The following COMMD10 variants were observed in gnomAD, a reference collection of about 807,000 sequenced individuals.
COMMD10 encodes the protein COMM domain containing 10, also known as COMM domain-containing protein 10.
Under a neutral mutation model 28.9 loss-of-function variants are expected in COMMD10, and 33 were observed. The observed-to-expected ratio is 1.14, with a 90% confidence interval of 0.87 to 1.53. COMMD10 has a LOEUF of 1.53. Ranked by LOEUF, COMMD10 falls within the 40% of genes most tolerant of loss-of-function variation. The pLI is 0.00. For missense variants in COMMD10, 310 were observed against 233.4 expected (o/e 1.33, Z -2.14); for synonymous variants, 110 against 81.7 (o/e 1.35, Z -1.87).
At chr5:116,241,207 C>A (rs1402562983) in intron 5 of COMMD10, among the ~76,000 whole-genome samples, 4 of 152,246 alleles carry the variant, frequency 2.6e-5, no homozygotes, top group South Asian at 4.1e-4. Context: ...AGGATCTAGT[C>A]ATTGCTTCCT....
At chr5:116,085,781 A>G (rs1043085738) in intron 1 of COMMD10, among the ~76,000 whole-genome samples, 10 of 152,232 alleles carry the variant, frequency 6.6e-5, no homozygotes, top group African/African-American at 2.4e-4. Flanking sequence ...GTGGATACAG[A>G]AAAAGTACTG....
chr5:116,249,455 T>A (rs1459729054), intron 5 of COMMD10, among the ~76,000 whole-genome samples: 1 of 151,900 alleles, frequency 6.6e-6, no homozygotes, highest in Non-Finnish European at 1.5e-5. Flanking sequence ...TACTTTGATA[T>A]TAAATAAAAA....
At position 116,128,063 on chromosome 5, in the gene COMMD10, G is replaced by A. The variant is rs10072430; in HGVS notation, c.400-6005G>A. Among the ~76,000 whole-genome samples the A allele has an allele frequency of 2.6e-5, 4 of 152,074 alleles. No homozygotes were observed. The South Asian group carries it at 8.3e-4, about 32-fold the overall frequency. ...AGTATTCTTGCTGTGGGACATAGTC[G>A]AAAAAACTTTAATGCTGCTGTTTTT... On this transcript the variant is annotated intron_variant, in intron 4 of 6. Transcript: ENST00000274458.
At chr5:116,155,149 C>T (rs569141355) in intron 5 of COMMD10, among the ~76,000 whole-genome samples, 1 of 152,246 alleles carries the variant, frequency 6.6e-6, no homozygotes, top group Admixed American at 6.5e-5. Context: ...TTCCATCTCA[C>T]AGTCACTCTA....
At chr5:116,194,535 A>G (rs911808345) in intron 5 of COMMD10, among the ~76,000 whole-genome samples, 1 of 152,202 alleles carries the variant, frequency 6.6e-6, no homozygotes, top group African/African-American at 2.4e-5. Context: ...GGCTACTGTG[A>G]ACAACTTTAT....
intron 5 of COMMD10, among the ~76,000 whole-genome samples, chr5:116,211,078 G>A (rs1748951407): frequency 6.6e-6 from 1 of 151,926 alleles, no homozygotes; most frequent in Admixed American, 6.6e-5. Flanking sequence ...AAATTATAAT[G>A]GAATCATTAT....
chr5:116,287,152 T>G (rs1161942927), intron 5 of COMMD10, among the ~76,000 whole-genome samples: 1 of 151,728 alleles, frequency 6.6e-6, no homozygotes, highest in African/African-American at 2.4e-5. Flanking sequence ...TATCATAATG[T>G]TGAGGGAAAA....
In COMMD10 at chr5:116,216,775, C is replaced by G. The variant is rs537622656; in HGVS notation, c.511-74742C>G. ...GGTCTCGATCTCTTGACCTCATGAT[C>G]TGCCTGCCTTAGGCTCCCAAAGTGC... On this transcript the variant is annotated intron_variant, in intron 5 of 6. Coordinates refer to ENST00000274458, the MANE Select transcript of COMMD10 (RefSeq NM_016144.4). Among the ~76,000 whole-genome samples the G allele has an allele frequency of 3.9e-5, 6 of 152,270 alleles. No homozygotes were observed. The South Asian group carries it at 1.2e-3, about 32-fold the overall frequency.
intron 4 of COMMD10, among the ~76,000 whole-genome samples, chr5:116,119,480 G>A (rs1751351718): frequency 6.6e-6 from 1 of 152,180 alleles, no homozygotes; most frequent in Non-Finnish European, 1.5e-5. Context: ...TAACCCTGTT[G>A]GAGATTTGTG....
At chr5:116,240,822 A>G (rs182731783) in intron 5 of COMMD10, among the ~76,000 whole-genome samples, 140 of 152,318 alleles carry the variant, frequency 9.2e-4, no homozygotes, top group South Asian at 1.9e-3. Context: ...ACTTGTAGCT[A>G]TTGTTCTAAT....
intron 5 of COMMD10, among the ~76,000 whole-genome samples, chr5:116,210,222 G>A (rs1047759369): frequency 2.0e-5 from 3 of 152,002 alleles, no homozygotes; most frequent in African/African-American, 4.8e-5. Flanking sequence ...ATTTGCAATG[G>A]CAATTAAATT....
intron 5 of COMMD10, among the ~76,000 whole-genome samples, chr5:116,234,131 G>C (rs1580569487): frequency 6.6e-6 from 1 of 152,144 alleles, no homozygotes; most frequent in Non-Finnish European, 1.5e-5. Flanking sequence ...GAAAGACTAG[G>C]GTTTGAGTGG....
intron 4 of COMMD10, among the ~76,000 whole-genome samples, chr5:116,124,218 T>C (rs1025945372): frequency 2.0e-5 from 3 of 152,222 alleles, no homozygotes; most frequent in African/African-American, 4.8e-5. Flanking sequence ...TGCTATAAAT[T>C]TCCTTCTACA....
At chr5:116,196,156 A>G (rs541458964) in intron 5 of COMMD10, among the ~76,000 whole-genome samples, 7 of 152,336 alleles carry the variant, frequency 4.6e-5, no homozygotes, top group Non-Finnish European at 7.3e-5. Context: ...TAACAGCACA[A>G]TTCACAAATA....
At position 116,160,498 on chromosome 5, in the gene COMMD10, A is replaced by G. The variant is rs1017501005; in HGVS notation, c.510+26320A>G. On this transcript the variant is annotated intron_variant, in intron 5 of 6. Coordinates refer to ENST00000274458, the MANE Select transcript of COMMD10 (RefSeq NM_016144.4). ...ATAAAGCTAGAAAGACAGGAATGCAACTGAAGTTGGATGAGTCTCTTAGGT... is the reference window on the plus strand; with the variant it reads ...ATAAAGCTAGAAAGACAGGAATGCAGCTGAAGTTGGATGAGTCTCTTAGGT... Among the ~76,000 whole-genome samples, 8 of 152,332 alleles carry G rather than the reference A, an allele frequency of 5.3e-5. No homozygotes were observed. In the East Asian group the frequency reaches 1.5e-3, roughly 29 times the overall value.
At position 116,098,387 on chromosome 5, in the gene COMMD10, A is replaced by G. The variant is rs1348198177; in HGVS notation, c.399+5687A>G. ...CTGTGGGGTGCTTGCAGCAGAACAC[A>G]TGTTGGTAGTACAGTCAGCCCTCTG... is the stretch of plus-strand genomic sequence containing the variant. On this transcript the variant is annotated intron_variant, in intron 4 of 6. Coordinates refer to ENST00000274458, the MANE Select transcript of COMMD10 (RefSeq NM_016144.4). 2.6e-5 allele frequency among the ~76,000 whole-genome samples: 4 copies of G among 152,202 alleles called. No individual in the cohort carries two copies. In the East Asian group the frequency reaches 5.8e-4, roughly 22 times the overall value.
chr5:116,169,065 G>C (rs184261446), intron 5 of COMMD10, among the ~76,000 whole-genome samples: 2 of 152,184 alleles, frequency 1.3e-5, no homozygotes, highest in Admixed American at 6.5e-5. Context: ...TCCAGGAGCT[G>C]TTTTTCTGAA....
At chr5:116,113,617 T>G (rs1751133074) in intron 4 of COMMD10, among the ~76,000 whole-genome samples, 1 of 152,084 alleles carries the variant, frequency 6.6e-6, no homozygotes, top group Non-Finnish European at 1.5e-5. Context: ...TCTCCTTCAG[T>G]GAATTTTTTA....
rs187953668 is a variant in COMMD10 at position 116,220,436 on chromosome 5, T to G, written c.511-71081T>G. Among the ~76,000 whole-genome samples, 25 of 152,246 alleles carry G rather than the reference T, an allele frequency of 1.6e-4. No individual in the cohort carries two copies. The East Asian group carries it at 4.6e-3, about 28-fold the overall frequency. On this transcript the variant is annotated intron_variant, in intron 5 of 6. Transcript: ENST00000274458. ...GTAATTCTTTCATTCCATTTTTTTT[T>G]TCTTTGGAAGAGGTGAACATCGTAG...
Sources: allele counts gnomAD v4.1 joint callset (sites outside exome capture counted in the v4.1 genomes callset), GRCh38; gene constraint gnomAD v4.1.1; transcripts MANE v1.5; gene names NCBI Gene and HGNC (gene_info 2026-07-23, HGNC 2026-07-21).